TUFT1: variants seen among roughly 807,000 people sequenced by gnomAD.
The protein encoded by TUFT1 is tuftelin.
A neutral mutation model predicts 57.8 loss-of-function variants in TUFT1; 43 were observed. The observed-to-expected ratio is 0.74, with a 90% CI of 0.58 to 0.96. TUFT1 has a LOEUF of 0.96. TUFT1 is among the 40% of genes least tolerant of loss of function. The pLI is 0.00. For missense variants in TUFT1, 459 were observed against 489.0 expected, an observed-to-expected ratio of 0.94 and a Z score of 0.58; for synonymous variants, 166 against 176.7, an observed-to-expected ratio of 0.94 and a Z score of 0.48.
At position 151,540,763 on chromosome 1, in the gene TUFT1, C is replaced by G. The variant is rs538453647; in HGVS notation, c.60+337C>G. On this transcript the variant is annotated intron_variant, in intron 1 of 12. Transcript: ENST00000368849. ...ACATTGGGTCATAAGAGAATGAGCT[C>G]AAGCGACTGGGTCCCTGAGCGCCTT... is the stretch of plus-strand genomic sequence containing the variant. 7.4e-4 allele frequency: 195 copies of G among 262,044 alleles called. 1 individual carries two copies. Among genetic ancestry groups the G allele is most frequent in the Middle Eastern group, 1.3e-3 (1 of 774 alleles). 16.2% of individuals were successfully genotyped at this position (262,044 alleles called of 1,614,324 possible). A position where few individuals can be genotyped will look rare whatever the true frequency, so the allele number is the denominator to read the frequency against.
chr1:151,562,438 T>G, intron 2 of TUFT1, 147 bp from the exon 3 acceptor site: 3 of 756,914 alleles, frequency 4.0e-6, no homozygotes, highest in Non-Finnish European at 6.4e-6. Flanking sequence ...CGGAAACGAA[T>G]TTTTGGAGAG....
intron 1 of TUFT1, among the ~76,000 whole-genome samples, chr1:151,553,880 G>GT (rs1177770212): frequency 1.3e-5 from 2 of 151,858 alleles, no homozygotes; most frequent in African/African-American, 4.8e-5. Context: ...TTGTTTTGTG[G>GT]TTTTACTTTC....
chr1:151,563,068 G>C (rs1665949355), intron 3 of TUFT1, among the ~76,000 whole-genome samples: 1 of 151,980 alleles, frequency 6.6e-6, no homozygotes, highest in African/African-American at 2.4e-5. Flanking sequence ...TTTTAGTTTT[G>C]TAGAGACAGT....
chr1:151,557,851 G>A (rs374690691), intron 1 of TUFT1: 5 of 741,892 alleles, frequency 6.7e-6, no homozygotes, highest in African/African-American at 5.1e-5. Flanking sequence ...GCCTGGTGCC[G>A]ACAGCAAAGC....
chr1:151,564,673 G>A, intron 5 of TUFT1, 59 bp downstream of exon 5: 1 of 1,415,142 alleles, frequency 7.1e-7, no homozygotes, highest in East Asian at 2.3e-5. Flanking sequence ...GTGCCAGGCA[G>A]TCTCATTTAC....
chr1:151,578,522 C>T (rs1410146928), intron 9 of TUFT1, among the ~76,000 whole-genome samples, 199 bp from the exon 10 acceptor site: 1 of 152,130 alleles, frequency 6.6e-6, no homozygotes, highest in African/African-American at 2.4e-5. Context: ...GTTGGCCAGG[C>T]TGGTCTTGAA....
intron 1 of TUFT1, among the ~76,000 whole-genome samples, chr1:151,551,799 A>T (rs17640598): frequency 1.3e-5 from 2 of 152,088 alleles, no homozygotes; most frequent in Non-Finnish European, 2.9e-5. Flanking sequence ...GGTCCTGATC[A>T]TAAGGGGACT....
chr1:151,581,675 C>T lies in TUFT1; in HGVS notation c.1141C>T (p.Pro381Ser). 1 of 1,614,158 alleles carries T rather than the reference C, an allele frequency of 6.2e-7. No homozygotes were observed. Among genetic ancestry groups the T allele is most frequent in the Non-Finnish European group, 8.5e-7 (1 of 1,180,026 alleles). Residue 381 changes from proline to serine, a missense_variant, in exon 13 of 13, where the codon CCC becomes TCC. Transcript: ENST00000368849. ...GATATCCAAGCCGCCTAGCCCGAAG[C>T]CCATGCCTGTCATCCGAGTGGTGGA... ...IRISKPPSPK[P>S]MPVIRVVET
chr1:151,555,593 A>G (rs1394561481), intron 1 of TUFT1, among the ~76,000 whole-genome samples: 1 of 151,760 alleles, frequency 6.6e-6, no homozygotes, highest in Non-Finnish European at 1.5e-5. Flanking sequence ...CCTGGCCAAC[A>G]TGGTGAAACC....
intron 9 of TUFT1, among the ~76,000 whole-genome samples, chr1:151,577,865 A>G (rs12729409): frequency 6.6e-6 from 1 of 151,586 alleles, no homozygotes; most frequent in East Asian, 1.9e-4. Context: ...TACAAAAAAA[A>G]TTTTTTTTTA....
chr1:151,569,559 G>A lies in TUFT1; in HGVS notation c.481-98G>A, dbSNP rs973125562. On this transcript the variant is annotated intron_variant, in intron 6 of 12. Coordinates refer to ENST00000368849, the MANE Select transcript of TUFT1 (RefSeq NM_020127.3). ...GTTCTTTTTTGAGGGTGGTCTGGAC[G>A]AGATGGTCCAAACCAGTGTGTGCCT... is the stretch of plus-strand genomic sequence containing the variant. The A allele has an allele frequency of 2.4e-5, 22 of 924,218 alleles. 1 individual carries two copies. Among genetic ancestry groups the A allele is most frequent in the East Asian group, 1.5e-4 (6 of 40,504 alleles). 57.3% of individuals were successfully genotyped at this position (924,218 alleles called of 1,614,324 possible).
intron 8 of TUFT1, 105 bp downstream of exon 8, chr1:151,574,503 G>A: frequency 1.4e-6 from 2 of 1,480,078 alleles, no homozygotes; most frequent in Non-Finnish European, 1.8e-6. Flanking sequence ...AGCCTCTCCA[G>A]AAAAGCACAC....
intron 9 of TUFT1, among the ~76,000 whole-genome samples, chr1:151,575,886 C>T (rs1666444572): frequency 6.6e-6 from 1 of 152,178 alleles, no homozygotes; most frequent in African/African-American, 2.4e-5. Context: ...TAGATTTGAC[C>T]TTCCTGGCAT....
rs150151042 is a variant in TUFT1, at chr1:151,551,916, C to A, written c.61-10175C>A. ...CACAAATGTCCAGTCAAGTAATTTTCACAAACTAGACACATTCCTGTGAGC... is the reference window on the plus strand; with the variant it reads ...CACAAATGTCCAGTCAAGTAATTTTAACAAACTAGACACATTCCTGTGAGC... On this transcript the variant is annotated intron_variant, in intron 1 of 12. Transcript: ENST00000368849. Among the ~76,000 whole-genome samples, 363 of 152,230 alleles carry A rather than the reference C, an allele frequency of 2.4e-3. 1 individual carries two copies. The highest frequency in any genetic ancestry group is 8.2e-3 in the African/African-American group (342 of 41,532).
chr1:151,563,956 A>C lies in TUFT1; in HGVS notation c.290A>C (p.Asn97Thr), dbSNP rs773233134. 1 of 1,614,172 alleles carries C rather than the reference A, an allele frequency of 6.2e-7. No individual in the cohort carries two copies. Among genetic ancestry groups the C allele is most frequent in the East Asian group, 2.2e-5 (1 of 44,878 alleles). The change falls in exon 4 of 13, where the codon AAC becomes ACC. Residue 97 changes from asparagine (N) to threonine (T), a missense_variant. Physicochemically the swap from Asn to Thr is moderately conservative, Grantham distance 65. Transcript: ENST00000368849. ...GDKMIHEKNI[N>T]QLKSEVQYIQ... ...AAGATGATTCACGAGAAGAATATTA[A>C]CCAGCTGAAGAGTGAGGTCCAGTAC...
chr1:151,581,914 C>T lies in TUFT1; in HGVS notation c.*207C>T. The stretch of plus-strand genomic sequence containing the variant: ...CGAGCACCTATTCAAGGCACTGCAG[C>T]CCTTTGGAAGACATTGTCCTGCAAG... On this transcript the variant is annotated 3_prime_UTR_variant, in exon 13 of 13. Coordinates refer to ENST00000368849, the MANE Select transcript of TUFT1 (RefSeq NM_020127.3). The T allele has an allele frequency of 1.6e-6, 1 of 627,984 alleles. No homozygotes were observed. Among genetic ancestry groups the T allele is most frequent in the Non-Finnish European group, 2.9e-6 (1 of 349,448 alleles). The allele number at this position is 627,984 out of a possible 1,614,324, so 38.9% of individuals were successfully genotyped here. A position where few individuals can be genotyped will look rare whatever the true frequency, so the allele number is the denominator to read the frequency against.
At chr1:151,567,246 C>T (rs1331749801) in intron 6 of TUFT1, among the ~76,000 whole-genome samples, 2 of 151,992 alleles carry the variant, frequency 1.3e-5, no homozygotes, top group African/African-American at 4.8e-5. Flanking sequence ...CAGGGTCTCC[C>T]TATGTCATCT....
In TUFT1 at chr1:151,561,942, C is replaced by T. The variant is rs1380787848; in HGVS notation, c.61-149C>T. Reference sequence around the variant, plus strand: ...CTGATCTTGGGCAAGGTAATGCTGCCTCCCTGGACTTCAGTTTTCCTAGTC... The same window carrying T: ...CTGATCTTGGGCAAGGTAATGCTGCTTCCCTGGACTTCAGTTTTCCTAGTC... On this transcript the variant is annotated intron_variant, in intron 1 of 12. Coordinates refer to ENST00000368849, the MANE Select transcript of TUFT1 (RefSeq NM_020127.3). The T allele has an allele frequency of 4.1e-5, 61 of 1,484,004 alleles. No individual in the cohort carries two copies. In the East Asian group the frequency reaches 7.4e-4, roughly 18 times the overall value. The allele number at this position is 1,484,004 out of a possible 1,614,324, so 91.9% of individuals were successfully genotyped here.
intron 11 of TUFT1, 69 bp from the exon 12 acceptor site, chr1:151,580,873 G>T (rs1288445960): frequency 7.4e-7 from 1 of 1,357,498 alleles, no homozygotes; most frequent in East Asian, 2.3e-5. Flanking sequence ...AGACCAGAAT[G>T]CACTAGCTGA....
Sources: allele counts gnomAD v4.1 joint callset (sites outside exome capture counted in the v4.1 genomes callset), GRCh38; gene constraint gnomAD v4.1.1; transcripts MANE v1.5; gene names NCBI Gene and HGNC (gene_info 2026-07-23, HGNC 2026-07-21).